Variants in AFF2 observed in about 807,000 individuals in gnomAD.
AFF2 encodes AF4/FMR2 family member 2.
AFF2 carries 14 observed loss-of-function variants against 76.9 expected under a neutral mutation model. That is an observed-to-expected ratio of 0.18 (90% CI 0.12 to 0.28). AFF2 has a LOEUF of 0.28. Among genes scored for constraint, AFF2 ranks in the 10% least tolerant of loss-of-function variants. The pLI is 1.00. For missense variants in AFF2, 868 were observed against 1,001.1 expected (o/e 0.87, Z 1.79); for synonymous variants, 398 against 366.7 (o/e 1.09, Z -0.98).
At chrX:148,716,149 A>G (rs1569554113) in intron 3 of AFF2, among the ~76,000 whole-genome samples, 3 of 111,719 alleles carry the variant, frequency 2.7e-5, no homozygotes, top group Non-Finnish European at 5.6e-5. Flanking sequence ...TTTTCAGCTA[A>G]CTATATGTCA....
intron 3 of AFF2, among the ~76,000 whole-genome samples, chrX:148,795,031 T>G (rs2124627029): frequency 8.9e-6 from 1 of 112,272 alleles, no homozygotes; most frequent in African/African-American, 3.2e-5. Flanking sequence ...ATTTGTCTAC[T>G]TCAGAAGATT....
At chrX:148,968,490 G>A (rs980843647) in intron 15 of AFF2, among the ~76,000 whole-genome samples, 3 of 111,881 alleles carry the variant, frequency 2.7e-5, no homozygotes, top group Non-Finnish European at 3.8e-5. Context: ...CTGTCCTAGG[G>A]AAGGCCCTAA....
intron 3 of AFF2, among the ~76,000 whole-genome samples, chrX:148,793,039 A>T (rs1158286785): frequency 8.9e-6 from 1 of 111,733 alleles, no homozygotes. Context: ...AGGTTTATTC[A>T]TCCAACTTTC....
chrX:148,844,229 G>A (rs1255438177), intron 7 of AFF2, among the ~76,000 whole-genome samples: 2 of 111,861 alleles, frequency 1.8e-5, no homozygotes, highest in African/African-American at 6.5e-5. Context: ...GAAATGTTGA[G>A]TGGATTGCTA....
At chrX:148,583,373 T>A (rs191253437) in intron 1 of AFF2, among the ~76,000 whole-genome samples, 52 of 111,583 alleles carry the variant, frequency 4.7e-4, no homozygotes, top group South Asian at 1.5e-3. Context: ...GTGATTTTTT[T>A]AAAAATAGGC....
chrX:148,581,108 C>CATACGTATACACACATATACGT (rs1299691361), intron 1 of AFF2, among the ~76,000 whole-genome samples: 6 of 79,825 alleles, frequency 7.5e-5, no homozygotes, highest in Non-Finnish European at 1.2e-4. Flanking sequence ...TATATATACA[C>CATACGTATACACACATATACGT]ATACGTATAC....
intron 3 of AFF2, among the ~76,000 whole-genome samples, chrX:148,681,537 TGTG>T (rs1187592401): frequency 3.7e-5 from 1 of 27,071 alleles, no homozygotes; most frequent in Non-Finnish European, 8.3e-5. Flanking sequence ...TGCTAAAAGA[TGTG>T]TGTGTGTGTG....
intron 7 of AFF2, among the ~76,000 whole-genome samples, chrX:148,860,191 G>A (rs1458372884): frequency 3.6e-5 from 4 of 111,766 alleles, no homozygotes; most frequent in Admixed American, 2.9e-4. Flanking sequence ...TCAAAATGCC[G>A]TATTTCAGCA....
chrX:148,509,378 C>A (rs2052458336), intron 1 of AFF2, among the ~76,000 whole-genome samples: 1 of 111,232 alleles, frequency 9.0e-6, no homozygotes, highest in African/African-American at 3.3e-5. Context: ...GACTTTGGAC[C>A]CTGAATTATC....
At position 148,694,728 on chromosome X, in the gene AFF2, G is replaced by A. The variant is rs781913019; in HGVS notation, c.1041+31960G>A. On this transcript the variant is annotated intron_variant, in intron 3 of 20. Coordinates refer to ENST00000370460, the MANE Select transcript of AFF2 (RefSeq NM_002025.4). ...TTACTTGATTAACCTTTTATAGTAA[G>A]GGTTTTGAGAATTTATGTTTACATT... Among the ~76,000 whole-genome samples the A allele has an allele frequency of 3.6e-5, 4 of 110,318 alleles. No homozygotes were observed. In the South Asian group the frequency reaches 1.5e-3, roughly 42 times the overall value.
chrX:148,762,510 A>G (rs113460341), intron 3 of AFF2, among the ~76,000 whole-genome samples: 3,296 of 43,820 alleles, frequency 0.075, 70 homozygotes, highest in African/African-American at 0.094. Context: ...GTGTGTGTGT[A>G]TATAACATTT....
intron 9 of AFF2, among the ~76,000 whole-genome samples, chrX:148,924,249 A>C (rs1475685221): frequency 8.9e-6 from 1 of 112,305 alleles, no homozygotes; most frequent in African/African-American, 3.2e-5. Flanking sequence ...GGACAGAATT[A>C]ACCACCAAAG....
At chrX:148,615,770 A>T (rs1603258902) in intron 1 of AFF2, among the ~76,000 whole-genome samples, 1 of 111,489 alleles carries the variant, frequency 9.0e-6, no homozygotes, top group Admixed American at 9.5e-5. Context: ...GAAAGAATTT[A>T]AAAATATCCA....
At chrX:148,755,577 A>G (rs782506701) in intron 3 of AFF2, among the ~76,000 whole-genome samples, 1 of 112,451 alleles carries the variant, frequency 8.9e-6, no homozygotes, top group South Asian at 3.7e-4. Context: ...CTGAAGTGAA[A>G]TGACAGCATT....
chrX:148,681,537 TGTGTGTGTG>T (rs1486462545), intron 3 of AFF2, among the ~76,000 whole-genome samples: 3 of 27,071 alleles, frequency 1.1e-4, no homozygotes, highest in Non-Finnish European at 2.5e-4. Flanking sequence ...TGCTAAAAGA[TGTGTGTGTG>T]TGTGTGTGTG....
intron 18 of AFF2, 79 bp from the exon 19 acceptor site, chrX:148,980,659 C>A: frequency 1.2e-6 from 1 of 827,066 alleles, no homozygotes; most frequent in Non-Finnish European, 1.8e-6. Flanking sequence ...TACTCTAAAT[C>A]ACACTTCCAT....
intron 8 of AFF2, among the ~76,000 whole-genome samples, chrX:148,900,820 A>G (rs781938783): frequency 3.6e-5 from 4 of 112,259 alleles, no homozygotes; most frequent in Non-Finnish European, 7.5e-5. Flanking sequence ...CACTTTCCAG[A>G]CAGAAGCATT....
chrX:148,616,794 A>G (rs1557250450), intron 1 of AFF2, among the ~76,000 whole-genome samples: 2 of 107,244 alleles, frequency 1.9e-5, no homozygotes, highest in African/African-American at 6.8e-5. Context: ...TCATTGTTCA[A>G]TTCCCACCTA....
chrX:148,970,971 T>C (rs1397316046), intron 15 of AFF2, among the ~76,000 whole-genome samples: 3 of 111,138 alleles, frequency 2.7e-5, no homozygotes, highest in Non-Finnish European at 5.7e-5. Flanking sequence ...GAATAGAAAC[T>C]AGTTGAGGCA....
Sources: gnomAD v4.1 joint callset for allele counts (sites outside exome capture counted in the v4.1 genomes callset) on GRCh38, gnomAD v4.1.1 for gene constraint, MANE v1.5 for transcripts, NCBI Gene and HGNC (gene_info 2026-07-23, HGNC 2026-07-21) for gene names.